Variants in ABCD3 observed in about 807,000 individuals in gnomAD.
ABCD3 encodes ATP binding cassette subfamily D member 3.
Under a neutral mutation model 105.5 loss-of-function variants are expected in ABCD3, and 41 were observed. That is an observed-to-expected ratio of 0.39 (90% CI 0.30 to 0.50). The LOEUF is 0.50. Among genes scored for constraint, ABCD3 ranks in the 20% least tolerant of loss-of-function variants. The pLI is 0.84. For missense variants in ABCD3, 622 were observed against 806.3 expected (o/e 0.77, Z 2.77); for synonymous variants, 258 against 269.0 (o/e 0.96, Z 0.40).
intron 16 of ABCD3, 57 bp downstream of exon 16, chr1:94,491,304 A>C: frequency 3.2e-6 from 4 of 1,268,854 alleles, no homozygotes; most frequent in Non-Finnish European, 4.6e-6. Context: ...GTGAACTGAA[A>C]AAGATTACCT....
At chr1:94,477,575 C>CAA (rs59572524) in intron 7 of ABCD3, among the ~76,000 whole-genome samples, 28 of 148,722 alleles carry the variant, frequency 1.9e-4, no homozygotes, top group South Asian at 2.1e-4. Flanking sequence ...GACCCTGTCT[C>CAA]AAAAAAAAAA....
the ABCD3 span, among the ~76,000 whole-genome samples, chr1:94,394,834 G>C: frequency 6.6e-6 from 1 of 152,174 alleles, no homozygotes; most frequent in Non-Finnish European, 1.5e-5. Flanking sequence ...GTGTTAGACT[G>C]AACATCAAAA....
chr1:94,513,714 T>C (rs1650793331), intron 21 of ABCD3: 1 of 152,080 alleles, frequency 6.6e-6, no homozygotes, highest in Non-Finnish European at 1.5e-5. Context: ...TTATTTTGAC[T>C]TATATACTTC....
At chr1:94,462,007 C>T (rs1346054259) in intron 2 of ABCD3, among the ~76,000 whole-genome samples, 1 of 152,222 alleles carries the variant, frequency 6.6e-6, no homozygotes, top group Non-Finnish European at 1.5e-5. Flanking sequence ...CAGTCAGTCT[C>T]ACCTACGGTG....
At chr1:94,464,910 G>A (rs1234427497) in intron 3 of ABCD3, 37 bp downstream of exon 3, 1 of 1,531,854 alleles carries the variant, frequency 6.5e-7, no homozygotes, top group Non-Finnish European at 9.0e-7. Flanking sequence ...AGTATATTGG[G>A]CCGTTCTTTA....
chr1:94,427,068 G>T (rs566423169), intron 1 of ABCD3, among the ~76,000 whole-genome samples: 1 of 152,116 alleles, frequency 6.6e-6, no homozygotes, highest in East Asian at 1.9e-4. Context: ...GACACCCTTT[G>T]GTTATTGTAT....
At chr1:94,412,784 A>C in the ABCD3 span, among the ~76,000 whole-genome samples, 1 of 152,238 alleles carries the variant, frequency 6.6e-6, no homozygotes, top group Non-Finnish European at 1.5e-5. Flanking sequence ...GGTCTTTGCC[A>C]ATCTGGCAGA....
At chr1:94,420,361 G>A (rs1175967438) in intron 1 of ABCD3, among the ~76,000 whole-genome samples, 1 of 152,162 alleles carries the variant, frequency 6.6e-6, no homozygotes, top group Non-Finnish European at 1.5e-5. Context: ...AAATAGTAGC[G>A]ATAGAAGTAA....
At chr1:94,475,475 G>A (rs932597640) in intron 6 of ABCD3, 139 bp from the exon 7 acceptor site, 6 of 883,142 alleles carry the variant, frequency 6.8e-6, no homozygotes, top group Non-Finnish European at 8.8e-6. Context: ...ATCAGTTAGG[G>A]CAATCAATAG....
intron 1 of ABCD3, among the ~76,000 whole-genome samples, chr1:94,436,142 C>G: frequency 6.6e-6 from 1 of 152,170 alleles, no homozygotes; most frequent in East Asian, 1.9e-4. Context: ...TTTAGGGATG[C>G]TCATTGCTAC....
intron 8 of ABCD3, 64 bp downstream of exon 8, chr1:94,478,379 A>C: frequency 7.5e-7 from 1 of 1,326,882 alleles, no homozygotes; most frequent in Non-Finnish European, 1.1e-6. Flanking sequence ...ACATATTGTG[A>C]ATAGCTTGAT....
At chr1:94,389,933 A>G in the ABCD3 span, among the ~76,000 whole-genome samples, 1 of 152,248 alleles carries the variant, frequency 6.6e-6, no homozygotes, top group Non-Finnish European at 1.5e-5. Flanking sequence ...TAGAATGTCA[A>G]GATAGCCAAG....
Position 94,418,545 on chromosome 1 carries a change from C to G in ABCD3, c.67C>G (p.Leu23Val), listed in dbSNP as rs747232088. ...SSLAGAAFLL[L>V]CLLHKRRRAL... ...GCTGGCTGGTGCCGCGTTCCTGCTG[C>G]TCTGCCTGCTCCACAAGCGGCGCCG... is the stretch of plus-strand genomic sequence containing the variant. Residue 23 changes from leucine to valine, a missense_variant, in exon 1 of 23, where the codon CTC (leucine) becomes GTC (valine). Leu to Val is a conservative substitution (Grantham distance 32, BLOSUM62 1). Coordinates refer to ENST00000370214, the MANE Select transcript of ABCD3 (RefSeq NM_002858.4). 4.9e-5 allele frequency: 79 copies of G among 1,604,934 alleles called. No homozygotes were observed. Among genetic ancestry groups the G allele is most frequent in the Non-Finnish European group, 6.4e-5 (75 of 1,179,218 alleles).
intron 6 of ABCD3, 52 bp downstream of exon 6, chr1:94,475,292 A>C: frequency 1.6e-6 from 2 of 1,218,730 alleles, no homozygotes. Flanking sequence ...AAGAGTATTT[A>C]TGAAGCTGAT....
intron 9 of ABCD3, chr1:94,482,385 C>T (rs1649069865): frequency 6.6e-6 from 1 of 152,060 alleles, no homozygotes; most frequent in African/African-American, 2.4e-5. Context: ...GCCTTCTAGA[C>T]TTCTCTATAA....
intron 1 of ABCD3, among the ~76,000 whole-genome samples, chr1:94,429,633 A>G (rs1272280397): frequency 6.6e-6 from 1 of 152,224 alleles, no homozygotes; most frequent in Non-Finnish European, 1.5e-5. Context: ...AAGCCTTGGC[A>G]GCTTCTATGT....
At chr1:94,398,294 A>G in the ABCD3 span, among the ~76,000 whole-genome samples, 1 of 151,942 alleles carries the variant, frequency 6.6e-6, no homozygotes, top group Non-Finnish European at 1.5e-5. Flanking sequence ...TTGTAACTTC[A>G]TTTTCTGACA....
Position 94,491,217 on chromosome 1 carries a change from A to G in ABCD3, c.1356A>G (p.Gly452=), listed in dbSNP as rs147293586. The change falls in exon 16 of 23, where the codon GGA becomes GGG. Residue 452 remains glycine, a synonymous_variant. Transcript: ENST00000370214. ...FDHVPLATPN[G]DVLIRDLNFE... ...ATGTTCCTTTAGCAACGCCAAATGG[A>G]GATGTTTTGATCCGAGACCTTAATT... is the stretch of plus-strand genomic sequence containing the variant. The G allele has an allele frequency of 5.0e-4, 808 of 1,612,390 alleles. No individual in the cohort carries two copies. The African/African-American group carries it at 9.7e-3, about 19-fold the overall frequency.
At chr1:94,435,105 G>A (rs1193684941) in intron 1 of ABCD3, among the ~76,000 whole-genome samples, 1 of 152,108 alleles carries the variant, frequency 6.6e-6, no homozygotes, top group Admixed American at 6.5e-5. Context: ...TCTAGATTAT[G>A]CTGATTGCAT....
Sources: allele counts gnomAD v4.1 joint callset (sites outside exome capture counted in the v4.1 genomes callset), GRCh38; gene constraint gnomAD v4.1.1; transcripts MANE v1.5; gene names NCBI Gene and HGNC (gene_info 2026-07-23, HGNC 2026-07-21).